HDLBP: variants seen among roughly 807,000 people sequenced by gnomAD.
HDLBP encodes the protein high density lipoprotein binding protein.
A neutral mutation model predicts 137.3 loss-of-function variants in HDLBP; 30 were observed. The ratio of observed to expected loss-of-function variants is 0.22; its 90% confidence interval spans 0.16 to 0.30. The LOEUF (loss-of-function observed/expected upper bound fraction) is 0.30. HDLBP is among the 10% of genes least tolerant of loss of function. The pLI is 1.00. For synonymous variants in HDLBP, 606 were observed against 596.0 expected (o/e 1.02, Z -0.24); for missense variants, 1,119 against 1,667.3 (o/e 0.67, Z 5.73).
At position 241,300,144 on chromosome 2, in the gene HDLBP, A is replaced by T. The variant is rs61314061; in HGVS notation, c.-103+15426T>A. 3.8e-3 allele frequency among the ~76,000 whole-genome samples: 573 copies of T among 152,250 alleles called. 8 individuals are homozygous for T. Among genetic ancestry groups the T allele is most frequent in the African/African-American group, 0.013 (559 of 41,534 alleles). On this transcript the variant is annotated intron_variant, in intron 1 of 27. Coordinates refer to ENST00000310931, the MANE Select transcript of HDLBP (RefSeq NM_005336.6). ...CAGAAAGCATCAAGAAAGCCACAGC[A>T]CAACCTAGATATGCACAGCAGCACA...
intron 16 of HDLBP, among the ~76,000 whole-genome samples, chr2:241,243,993 T>C (rs1254912346): frequency 6.6e-6 from 1 of 152,088 alleles, no homozygotes; most frequent in Admixed American, 6.5e-5. Flanking sequence ...TATTTAACTG[T>C]ATTGTCTATG....
intron 1 of HDLBP, among the ~76,000 whole-genome samples, chr2:241,297,787 CACAG>C (rs1214778074): frequency 6.6e-6 from 1 of 152,004 alleles, no homozygotes; most frequent in Non-Finnish European, 1.5e-5. Context: ...ATCAGAAGGA[CACAG>C]ACAGTAATCC....
intron 1 of HDLBP, among the ~76,000 whole-genome samples, chr2:241,304,754 G>A (rs1237556598): frequency 6.6e-6 from 1 of 152,242 alleles, no homozygotes; most frequent in Non-Finnish European, 1.5e-5. Flanking sequence ...AGAAAGTGCT[G>A]TGTGGGCAGG....
intron 20 of HDLBP, among the ~76,000 whole-genome samples, chr2:241,237,836 T>G (rs2070741062): frequency 6.6e-6 from 1 of 152,210 alleles, no homozygotes; most frequent in African/African-American, 2.4e-5. Context: ...ACCACTGAAG[T>G]GTAAAACATA....
intron 1 of HDLBP, among the ~76,000 whole-genome samples, chr2:241,289,104 C>A (rs564952063): frequency 6.6e-6 from 1 of 152,340 alleles, no homozygotes; most frequent in African/African-American, 2.4e-5. Flanking sequence ...TAATCTTGGG[C>A]TCAGTCCTAT....
At chr2:241,271,615 G>A (rs1574989377) in intron 1 of HDLBP, among the ~76,000 whole-genome samples, 1 of 152,192 alleles carries the variant, frequency 6.6e-6, no homozygotes, top group East Asian at 1.9e-4. Flanking sequence ...TATTCAAGGG[G>A]CAACAGTCTT....
chr2:241,247,977 CAAGA>C, intron 14 of HDLBP, 22 bp downstream of exon 14: 7 of 1,535,692 alleles, frequency 4.6e-6, no homozygotes, highest in Non-Finnish European at 6.3e-6. Flanking sequence ...TGCTGTCATA[CAAGA>C]AAGGATGTGA....
In HDLBP at chr2:241,251,196, T is replaced by C. The variant is rs546041876; in HGVS notation, c.1373-1216A>G. ...CTCATCTCGAACTCCTGGGCTCAAG[T>C]GATCCTCCTGCCTTGGTCTCCCAAA... On this transcript the variant is annotated intron_variant, in intron 11 of 27. Transcript: ENST00000310931. Among the ~76,000 whole-genome samples the C allele has an allele frequency of 1.2e-4, 18 of 152,254 alleles. No individual in the cohort carries two copies. The South Asian group carries it at 3.5e-3, about 30-fold the overall frequency.
intron 22 of HDLBP, 91 bp from the exon 23 acceptor site, chr2:241,235,346 A>G (rs1160527871): frequency 1.9e-6 from 3 of 1,554,018 alleles, no homozygotes; most frequent in South Asian, 2.4e-5. Context: ...GTGAGAGGGA[A>G]GGCCACCCGC....
chr2:241,241,290 G>A (rs1439403623), intron 17 of HDLBP, among the ~76,000 whole-genome samples: 3 of 152,104 alleles, frequency 2.0e-5, no homozygotes, highest in African/African-American at 4.8e-5. Context: ...ACAGTGGGCC[G>A]GGCGCAGTGG....
At position 241,271,088 on chromosome 2, in the gene HDLBP, A is replaced by G. The variant is rs569961803; in HGVS notation, c.-102-2547T>C. On this transcript the variant is annotated intron_variant, in intron 1 of 27. Coordinates refer to ENST00000310931, the MANE Select transcript of HDLBP (RefSeq NM_005336.6). ...TACAACTTCTTTCCCCTTTCTGGCC[A>G]TGGAGAACAAGTCCGCTCTCCTCCA... 40 of 985,378 alleles carry G rather than the reference A, an allele frequency of 4.1e-5. No individual in the cohort carries two copies. The South Asian group carries it at 1.7e-3, about 43-fold the overall frequency. The allele number at this position is 985,378 out of a possible 1,614,324, so 61.0% of individuals were successfully genotyped here. A position where few individuals can be genotyped will look rare whatever the true frequency, so the allele number is the denominator to read the frequency against.
At chr2:241,283,125 T>C (rs554311213) in intron 1 of HDLBP, among the ~76,000 whole-genome samples, 4 of 152,280 alleles carry the variant, frequency 2.6e-5, no homozygotes, top group African/African-American at 9.6e-5. Flanking sequence ...GGAGAAAGTT[T>C]GAGTGGTCTG....
At chr2:241,264,704 C>A (rs903535016) in intron 3 of HDLBP, 99 bp from the exon 4 acceptor site, 31 of 1,171,772 alleles carry the variant, frequency 2.6e-5, no homozygotes, top group Non-Finnish European at 3.8e-5. Context: ...CAAACAAGAA[C>A]CATCAAATGC....
chr2:241,292,913 G>A (rs1319474033), intron 1 of HDLBP, among the ~76,000 whole-genome samples: 1 of 152,182 alleles, frequency 6.6e-6, no homozygotes, highest in Non-Finnish European at 1.5e-5. Flanking sequence ...TACACCTGTG[G>A]CCCTAGCTAC....
At chr2:241,285,032 C>T (rs906150231) in intron 1 of HDLBP, among the ~76,000 whole-genome samples, 20 of 152,138 alleles carry the variant, frequency 1.3e-4, no homozygotes, top group African/African-American at 2.9e-4. Context: ...AGGTGTGCTC[C>T]GCCACACCCA....
At chr2:241,241,746 G>GTT (rs1278235308) in intron 17 of HDLBP, among the ~76,000 whole-genome samples, 1 of 152,034 alleles carries the variant, frequency 6.6e-6, no homozygotes, top group Admixed American at 6.6e-5. Flanking sequence ...CACTAAAAGA[G>GTT]TAACAGTAGT....
At chr2:241,300,117 A>G (rs1376845380) in intron 1 of HDLBP, among the ~76,000 whole-genome samples, 1 of 152,044 alleles carries the variant, frequency 6.6e-6, no homozygotes, top group African/African-American at 2.4e-5. Flanking sequence ...TTTTTAAACC[A>G]CCAGAAAGCA....
At chr2:241,304,248 T>A (rs941894180) in intron 1 of HDLBP, among the ~76,000 whole-genome samples, 8 of 152,214 alleles carry the variant, frequency 5.3e-5, no homozygotes, top group Non-Finnish European at 1.0e-4. Flanking sequence ...CCAAACCAAG[T>A]AAAAGCATCA....
At chr2:241,269,973 G>A (rs2073936629) in intron 1 of HDLBP, among the ~76,000 whole-genome samples, 1 of 152,128 alleles carries the variant, frequency 6.6e-6, no homozygotes, top group South Asian at 2.1e-4. Flanking sequence ...CTTAAACCCA[G>A]ACACCCACCC....
Sources: allele counts gnomAD v4.1 joint callset (sites outside exome capture counted in the v4.1 genomes callset), GRCh38; gene constraint gnomAD v4.1.1; transcripts MANE v1.5; gene names NCBI Gene and HGNC (gene_info 2026-07-23, HGNC 2026-07-21).